The following ANK2 variants were observed in gnomAD, a reference collection of about 807,000 sequenced individuals.
ANK2 encodes ankyrin-2.
Under a neutral mutation model 360.5 loss-of-function variants are expected in ANK2, and 83 were observed. The observed-to-expected ratio is 0.23, with a 90% CI of 0.19 to 0.28. The LOEUF is 0.28. Ranked by LOEUF, ANK2 falls within the 10% of genes least tolerant of loss-of-function variation. The probability of loss-of-function intolerance (pLI) is 1.00; values close to 1 mark genes in which losing one functional copy is unlikely to be tolerated. For missense variants in ANK2, 4,201 were observed against 4,795.7 expected (o/e 0.88, Z 3.66); for synonymous variants, 1,740 against 1,759.5 (o/e 0.99, Z 0.28).
At chr4:113,211,799 A>G (rs1315949706) in intron 4 of ANK2, among the ~76,000 whole-genome samples, 2 of 152,180 alleles carry the variant, frequency 1.3e-5, no homozygotes, top group Admixed American at 1.3e-4. Flanking sequence ...TAACATGAAT[A>G]TATTCTATTT....
chr4:113,059,250 A>G (rs2071828680), intron 1 of ANK2, among the ~76,000 whole-genome samples: 1 of 152,140 alleles, frequency 6.6e-6, no homozygotes, highest in African/African-American at 2.4e-5. Context: ...TTAAACTTGT[A>G]TTAGATTGTG....
At chr4:113,276,355 G>A (rs778651125) in intron 15 of ANK2, among the ~76,000 whole-genome samples, 2 of 152,130 alleles carry the variant, frequency 1.3e-5, no homozygotes, top group Non-Finnish European at 2.9e-5. Context: ...AAGGAAGAAG[G>A]CAGATGTGTG....
chr4:113,174,130 A>G (rs2098102506), intron 1 of ANK2: 1 of 351,280 alleles, frequency 2.8e-6, no homozygotes, highest in Non-Finnish European at 5.5e-6. Flanking sequence ...ACACGTCTTC[A>G]ATTGTGGCTG....
In ANK2 at chr4:113,357,232, C is replaced by A. The variant is rs2095846712; in HGVS notation, c.8614C>A (p.Gln2872Lys). ...DEDISATSSIQKTEVTKTDET... is the reference protein window; with the variant it reads ...DEDISATSSIKKTEVTKTDET... ...AGACATATCTGCCACATCTTCTATT[C>A]AAAAAACAGAGGTCACAAAAACTGA... is the stretch of plus-strand genomic sequence containing the variant. The change falls in exon 38 of 46, where the codon CAA becomes AAA. Residue 2872 changes from glutamine to lysine, a missense_variant. Physicochemically the swap from Gln to Lys is moderately conservative, Grantham distance 53. Around this residue, in one of 4 missense-constraint regions of ANK2, gnomAD observed 2,642 missense variants for 2,714.5 expected, o/e 0.97. Coordinates refer to ENST00000357077, the MANE Select transcript of ANK2 (RefSeq NM_001148.6). 6.2e-7 allele frequency: 1 copy of A among 1,613,968 alleles called. No homozygotes were observed. The highest frequency in any genetic ancestry group is 1.3e-5 in the African/African-American group (1 of 75,024).
chr4:112,833,872 T>C (rs72906897), intron 1 of ANK2, among the ~76,000 whole-genome samples: 3,557 of 152,318 alleles, frequency 0.023, 120 homozygotes, highest in African/African-American at 0.08. Flanking sequence ...GATAAATAAG[T>C]CTTTCTTTAT....
At chr4:113,058,662 C>CTA (rs1200906387) in intron 1 of ANK2, among the ~76,000 whole-genome samples, 1 of 152,020 alleles carries the variant, frequency 6.6e-6, no homozygotes, top group Non-Finnish European at 1.5e-5. Flanking sequence ...TCTCTTACTC[C>CTA]ATAGCACTGT....
intron 10 of ANK2, among the ~76,000 whole-genome samples, chr4:113,251,475 CTTTTTTT>C (rs1167630240): frequency 1.7e-4 from 15 of 88,118 alleles, no homozygotes; most frequent in Middle Eastern, 0.01. Flanking sequence ...AATACAAAAT[CTTTTTTT>C]TTTTTTTTTT....
chr4:112,856,228 G>A (rs997589874), intron 1 of ANK2, among the ~76,000 whole-genome samples: 15 of 152,140 alleles, frequency 9.9e-5, no homozygotes, highest in Admixed American at 2.6e-4. Flanking sequence ...TGAAAGTACA[G>A]CAATTTATTG....
At chr4:112,754,636 C>A in the ANK2 span, among the ~76,000 whole-genome samples, 2 of 152,070 alleles carry the variant, frequency 1.3e-5, no homozygotes, top group South Asian at 4.2e-4. Flanking sequence ...CCTGCTTTCC[C>A]TCAGGCAGCC....
intron 21 of ANK2, 79 bp from the exon 22 acceptor site, chr4:113,293,361 G>C: frequency 8.1e-7 from 1 of 1,241,872 alleles, no homozygotes; most frequent in Non-Finnish European, 1.2e-6. Flanking sequence ...GGCTGATGCA[G>C]AGCAGCGGGT....
Position 113,358,794 on chromosome 4 carries a change from T to C in ANK2, c.10176T>C (p.Ser3392=), listed in dbSNP as rs2095997615. ...IAPDNRSKSE[S]DASSLDSKTK... is the part of the protein sequence containing the mutation. ...CAGATAATAGAAGCAAATCTGAATC[T>C]GATGCTAGTTCTTTGGATTCAAAGA... Residue 3392 remains serine (S), a synonymous_variant, in exon 38 of 46, where the codon TCT becomes TCC. Transcript: ENST00000357077. The C allele has an allele frequency of 6.2e-7, 1 of 1,613,972 alleles. No individual in the cohort carries two copies. Among genetic ancestry groups the C allele is most frequent in the Non-Finnish European group, 8.5e-7 (1 of 1,179,998 alleles).
the ANK2 span, among the ~76,000 whole-genome samples, chr4:112,812,714 A>G: frequency 6.6e-6 from 1 of 152,224 alleles, no homozygotes; most frequent in African/African-American, 2.4e-5. Context: ...GACTTTTTAC[A>G]TAGCCATAGT....
chr4:112,817,606 A>C (rs1207381384), upstream of ANK2, among the ~76,000 whole-genome samples: 1 of 151,868 alleles, frequency 6.6e-6, no homozygotes, highest in Non-Finnish European at 1.5e-5. Context: ...ACACACACAC[A>C]CCACCTACCA....
chr4:112,858,275 A>C lies in ANK2; in HGVS notation c.-40+40011A>C, dbSNP rs149798204. ...AATTGATTATAATATTACTGACAAT[A>C]TTTTTAGTCACAAAAATAAGGTTAG... On this transcript the variant is annotated intron_variant, in intron 1 of 30. Transcript: ENST00000503271. Among the ~76,000 whole-genome samples the C allele has an allele frequency of 2.4e-3, 358 of 152,264 alleles. 1 individual carries two copies. Among genetic ancestry groups the C allele is most frequent in the African/African-American group, 7.7e-3 (322 of 41,562 alleles).
chr4:113,340,873 C>CA (rs940998367), intron 32 of ANK2, among the ~76,000 whole-genome samples: 10 of 146,876 alleles, frequency 6.8e-5, no homozygotes, highest in South Asian at 2.1e-4. Context: ...GAAAAACAAA[C>CA]AAAAAAAACA....
intron 1 of ANK2, chr4:113,117,499 C>A (rs59931914): frequency 4.6e-6 from 2 of 436,696 alleles, no homozygotes. Context: ...ACTTCATCCT[C>A]CCTTCCTTCC....
the ANK2 span, chr4:112,788,347 G>T: frequency 1.2e-4 from 185 of 1,546,862 alleles, 1 homozygote; most frequent in African/African-American, 2.1e-3. Flanking sequence ...TGCACTAAGG[G>T]ACCACCATTT....
chr4:112,887,714 G>C (rs1050083254), intron 1 of ANK2, among the ~76,000 whole-genome samples: 25 of 151,638 alleles, frequency 1.6e-4, no homozygotes, highest in African/African-American at 6.1e-4. Flanking sequence ...TAAAGAGATT[G>C]GTCTTCTTTC....
At chr4:113,219,938 G>A (rs116926488) in intron 4 of ANK2, among the ~76,000 whole-genome samples, 4,250 of 152,134 alleles carry the variant, frequency 0.028, 98 homozygotes, top group East Asian at 0.068. Flanking sequence ...ACAAAAAGGG[G>A]GTTTTCTTGG....
Sources: allele counts gnomAD v4.1 joint callset (sites outside exome capture counted in the v4.1 genomes callset), GRCh38; gene constraint gnomAD v4.1.1; regional missense constraint gnomAD v4.1.1; transcripts MANE v1.5; gene names NCBI Gene and HGNC (gene_info 2026-07-23, HGNC 2026-07-21).